PALLD: variants seen among roughly 807,000 people sequenced by gnomAD.
PALLD encodes palladin.
In PALLD, 61 loss-of-function variants were observed where a neutral mutation model predicts 123.5. The observed-to-expected ratio is 0.49, with a 90% CI of 0.40 to 0.61. The LOEUF is 0.61. Among genes scored for constraint, PALLD ranks in the 20% least tolerant of loss-of-function variants. The probability of loss-of-function intolerance (pLI) is 0.00; values close to 1 mark genes in which losing one functional copy is unlikely to be tolerated. For missense variants in PALLD, 1,273 were observed against 1,377.0 expected (o/e 0.92, Z 1.20); for synonymous variants, 465 against 496.4 (o/e 0.94, Z 0.84).
chr4:168,758,767 C>T (rs1416168663), intron 10 of PALLD, among the ~76,000 whole-genome samples: 2 of 152,068 alleles, frequency 1.3e-5, no homozygotes, highest in East Asian at 3.9e-4. Context: ...CCCCCTCCCA[C>T]ATCCCCCACT....
chr4:168,785,610 A>G (rs968565114), intron 10 of PALLD, among the ~76,000 whole-genome samples: 5 of 151,806 alleles, frequency 3.3e-5, no homozygotes, highest in African/African-American at 1.2e-4. Flanking sequence ...GTTCTATATA[A>G]GCTTAATTGT....
intron 2 of PALLD, among the ~76,000 whole-genome samples, chr4:168,561,358 G>T (rs1437049047): frequency 6.6e-6 from 1 of 152,080 alleles, no homozygotes; most frequent in Non-Finnish European, 1.5e-5. Flanking sequence ...ACGTTCTAGG[G>T]TTAAACGATC....
rs4324524 is a variant in PALLD at position 168,914,173 on chromosome 4, T to G, written c.2717+152T>G. 0.62 allele frequency: 409,289 copies of G among 657,350 alleles called. 134,880 individuals are homozygous for G. Among genetic ancestry groups the G allele is most frequent in the East Asian group, 0.88 (31,712 of 36,194 alleles). The allele number at this position is 657,350 out of a possible 1,614,324, so 40.7% of individuals were successfully genotyped here. A position where few individuals can be genotyped will look rare whatever the true frequency, so the allele number is the denominator to read the frequency against. On this transcript the variant is annotated intron_variant, in intron 16 of 21. Coordinates refer to ENST00000505667, the MANE Select transcript of PALLD (RefSeq NM_001166108.2). ...CTGAAGCCTGTGGCTCCTTGATTATTATGCTCCCTTGTGATGCAGAAAGGG... is the reference window on the plus strand; with the variant it reads ...CTGAAGCCTGTGGCTCCTTGATTATGATGCTCCCTTGTGATGCAGAAAGGG...
chr4:168,628,053 G>A (rs968193445), intron 2 of PALLD, among the ~76,000 whole-genome samples: 2 of 152,224 alleles, frequency 1.3e-5, no homozygotes, highest in Non-Finnish European at 2.9e-5. Context: ...CCTTTGAAAG[G>A]CAGCTTGGCT....
At chr4:168,695,178 G>A (rs935720035) in intron 8 of PALLD, among the ~76,000 whole-genome samples, 9 of 152,100 alleles carry the variant, frequency 5.9e-5, no homozygotes, top group East Asian at 1.9e-4. Context: ...GATCTTGTAC[G>A]GTAGAGTCTA....
At chr4:168,603,432 A>G (rs946631854) in intron 2 of PALLD, among the ~76,000 whole-genome samples, 1 of 152,238 alleles carries the variant, frequency 6.6e-6, no homozygotes, top group Admixed American at 6.5e-5. Context: ...AATGTTATAC[A>G]GATGAAAATG....
intron 21 of PALLD, 114 bp from the exon 22 acceptor site, chr4:168,926,099 G>GGAT (rs1267232081): frequency 5.0e-6 from 4 of 806,138 alleles, no homozygotes; most frequent in Admixed American, 3.2e-5. Flanking sequence ...TTTCTACCAT[G>GGAT]GATGTGTTCA....
chr4:168,556,294 A>G (rs1767296245), intron 2 of PALLD, among the ~76,000 whole-genome samples: 1 of 151,906 alleles, frequency 6.6e-6, no homozygotes, highest in Admixed American at 6.5e-5. Flanking sequence ...ACGGGGCTTC[A>G]CCGTGTTAGC....
intron 2 of PALLD, among the ~76,000 whole-genome samples, chr4:168,546,463 A>T (rs1450082540): frequency 6.6e-6 from 1 of 152,170 alleles, no homozygotes; most frequent in Non-Finnish European, 1.5e-5. Context: ...TGTGAAAATC[A>T]GAACAAGAAG....
chr4:168,599,784 T>C (rs1199130508), intron 2 of PALLD, among the ~76,000 whole-genome samples: 1 of 152,076 alleles, frequency 6.6e-6, no homozygotes, highest in African/African-American at 2.4e-5. Flanking sequence ...CTATAGAAAT[T>C]TTTAAAATAA....
At chr4:168,541,432 A>ACT (rs1765597210) in intron 2 of PALLD, among the ~76,000 whole-genome samples, 1 of 150,596 alleles carries the variant, frequency 6.6e-6, no homozygotes, top group Admixed American at 6.6e-5. Flanking sequence ...TTTATTTTAC[A>ACT]CTCTCACTCA....
At chr4:168,726,922 C>T (rs1786650603) in intron 10 of PALLD, among the ~76,000 whole-genome samples, 3 of 152,040 alleles carry the variant, frequency 2.0e-5, no homozygotes, top group South Asian at 2.1e-4. Flanking sequence ...GTCATTTCTA[C>T]GTTTATGTCC....
Position 168,711,725 on chromosome 4 carries a change from A to C in PALLD, c.1766A>C (p.Asn589Thr). 1 of 1,614,138 alleles carries C rather than the reference A, an allele frequency of 6.2e-7. No individual in the cohort carries two copies. The highest frequency in any genetic ancestry group is 2.2e-5 in the East Asian group (1 of 44,874). ...KKPSEIQQVN[N>T]PELGLSRAAL... Reference sequence around the variant, plus strand: ...CCATCTGAGATCCAGCAGGTGAACAACCCTGAGTTAGGCCTGAGCAGGGCA... The same window carrying C: ...CCATCTGAGATCCAGCAGGTGAACACCCCTGAGTTAGGCCTGAGCAGGGCA... Residue 589 changes from asparagine to threonine, a missense_variant, in exon 10 of 22, where the codon AAC (asparagine) becomes ACC (threonine). By Grantham distance (65) the Asn-to-Thr change is moderately conservative. This residue lies in a region of PALLD where 944 missense variants were observed against 954.5 expected (regional missense o/e 0.99). Coordinates refer to ENST00000505667, the MANE Select transcript of PALLD (RefSeq NM_001166108.2).
chr4:168,637,254 C>G (rs1026151066), intron 2 of PALLD, among the ~76,000 whole-genome samples: 3 of 151,998 alleles, frequency 2.0e-5, no homozygotes, highest in African/African-American at 7.2e-5. Context: ...TCCCTGAAGA[C>G]GGTGCCTAGG....
chr4:168,821,353 G>C (rs1189074114), intron 10 of PALLD, among the ~76,000 whole-genome samples: 1 of 152,012 alleles, frequency 6.6e-6, no homozygotes, highest in Non-Finnish European at 1.5e-5. Flanking sequence ...AGTTGATTAC[G>C]TATTTGTTCT....
chr4:168,544,389 A>G (rs1208047286), intron 2 of PALLD, among the ~76,000 whole-genome samples: 2 of 152,266 alleles, frequency 1.3e-5, no homozygotes, highest in African/African-American at 4.8e-5. Context: ...ATTGCAGCAT[A>G]GCTCATGGTC....
intron 10 of PALLD, among the ~76,000 whole-genome samples, chr4:168,818,898 A>G (rs1161610685): frequency 1.3e-5 from 2 of 152,220 alleles, no homozygotes; most frequent in Non-Finnish European, 1.5e-5. Context: ...CACTATCTGT[A>G]TAGCTATGTT....
intron 2 of PALLD, among the ~76,000 whole-genome samples, chr4:168,545,959 C>A (rs530826442): frequency 1.1e-4 from 16 of 152,206 alleles, no homozygotes; most frequent in African/African-American, 3.1e-4. Context: ...CATTTTCAAA[C>A]CCTTTATTTT....
At chr4:168,898,790 T>C (rs373721005) in intron 14 of PALLD, 76 bp downstream of exon 14, 15 of 900,854 alleles carry the variant, frequency 1.7e-5, no homozygotes, top group African/African-American at 1.5e-4. Flanking sequence ...AGCATGCCAG[T>C]AGGAGAAAGA....
Sources: gnomAD v4.1 joint callset for allele counts (sites outside exome capture counted in the v4.1 genomes callset) on GRCh38, gnomAD v4.1.1 for gene constraint, gnomAD v4.1.1 regional missense constraint, MANE v1.5 for transcripts, NCBI Gene and HGNC (gene_info 2026-07-23, HGNC 2026-07-21) for gene names.